Variants in PHF21A observed in about 807,000 individuals in gnomAD.
The protein encoded by PHF21A is PHD finger protein 21A, also known as BHC80a.
PHF21A carries 11 observed loss-of-function variants against 82.5 expected under a neutral mutation model. The ratio of observed to expected loss-of-function variants is 0.13; its 90% CI spans 0.08 to 0.22. The LOEUF is 0.22. Among genes scored for constraint, PHF21A ranks in the 10% least tolerant of loss-of-function variants. The pLI, the probability that PHF21A is intolerant of heterozygous loss-of-function variation, is 1.00. For missense variants in PHF21A, 579 were observed against 837.8 expected (o/e 0.69, Z 3.81); for synonymous variants, 297 against 302.8 (o/e 0.98, Z 0.20).
rs1716335902 is a variant in PHF21A at position 46,010,109 on chromosome 11, G to A, written c.154-30143C>T. ...GGGGAGAAAAATATGCCAAGTTTGA[G>A]AGTTACTGCAGGAATGAGAACAATC... On this transcript the variant is annotated intron_variant, in intron 6 of 18. Coordinates refer to ENST00000676320, the MANE Select transcript of PHF21A (RefSeq NM_001352027.3). 1.3e-5 allele frequency among the ~76,000 whole-genome samples: 2 copies of A among 152,122 alleles called. 1 individual carries two copies. Among genetic ancestry groups the A allele is most frequent in the South Asian group, 4.1e-4 (2 of 4,824 alleles).
chr11:46,073,886 TC>T (rs1235999077), intron 6 of PHF21A, among the ~76,000 whole-genome samples: 7 of 152,162 alleles, frequency 4.6e-5, no homozygotes, highest in African/African-American at 1.7e-4. Context: ...CTTTCAGAAA[TC>T]TCAAGTTACA....
rs569943954 is a variant in PHF21A, at chr11:46,019,041, G to A, written c.154-39075C>T. Among the ~76,000 whole-genome samples the A allele has an allele frequency of 5.3e-5, 8 of 151,614 alleles. No homozygotes were observed. The East Asian group carries it at 9.7e-4, about 18-fold the overall frequency. ...CAAAATAAGGCAAGAAAAAGAAAGG[G>A]GGAAGAAAATAAGCCTTTCTCATTC... is the stretch of plus-strand genomic sequence containing the variant. On this transcript the variant is annotated intron_variant, in intron 6 of 18. Coordinates refer to ENST00000676320, the MANE Select transcript of PHF21A (RefSeq NM_001352027.3).
chr11:45,957,479 G>GA (rs2092725409), intron 10 of PHF21A, among the ~76,000 whole-genome samples: 1 of 151,934 alleles, frequency 6.6e-6, no homozygotes, highest in Non-Finnish European at 1.5e-5. Flanking sequence ...AATGACAGCA[G>GA]AAAAACTAGA....
At chr11:45,996,344 A>T (rs11038739) in intron 6 of PHF21A, among the ~76,000 whole-genome samples, 25,015 of 152,176 alleles carry the variant, frequency 0.16, 2,313 homozygotes, top group Non-Finnish European at 0.21. Flanking sequence ...TTACAATTAG[A>T]TCACATTGGT....
chr11:45,938,377 A>G (rs2089606679), intron 15 of PHF21A, 65 bp from the exon 16 acceptor site: 1 of 1,327,662 alleles, frequency 7.5e-7, no homozygotes, highest in Admixed American at 1.8e-5. Context: ...GTTAACATGC[A>G]CATTCTAGAT....
intron 6 of PHF21A, among the ~76,000 whole-genome samples, chr11:46,059,951 C>A (rs1315393604): frequency 6.6e-6 from 1 of 152,110 alleles, no homozygotes; most frequent in Non-Finnish European, 1.5e-5. Flanking sequence ...CCGATGTTGG[C>A]CAGCCTGGTC....
chr11:46,041,095 ACTT>A (rs1225357898), intron 6 of PHF21A, among the ~76,000 whole-genome samples: 3 of 152,036 alleles, frequency 2.0e-5, no homozygotes, highest in Non-Finnish European at 2.9e-5. Flanking sequence ...AGATGCATGG[ACTT>A]CTTTCTCTTT....
intron 10 of PHF21A, among the ~76,000 whole-genome samples, chr11:45,960,102 C>G (rs569629327): frequency 6.6e-6 from 1 of 152,322 alleles, no homozygotes; most frequent in African/African-American, 2.4e-5. Context: ...GATTTAGCTG[C>G]TGTGGAAAAC....
intron 1 of PHF21A, among the ~76,000 whole-genome samples, chr11:46,095,846 G>C (rs1414051227): frequency 1.3e-5 from 2 of 152,106 alleles, no homozygotes; most frequent in African/African-American, 4.8e-5. Flanking sequence ...TTTATAGCCT[G>C]TGCTCAATCA....
At chr11:46,013,372 A>T (rs950813838) in intron 6 of PHF21A, among the ~76,000 whole-genome samples, 1 of 152,162 alleles carries the variant, frequency 6.6e-6, no homozygotes, top group African/African-American at 2.4e-5. Flanking sequence ...TATCAGATCA[A>T]CTGTGGCAGT....
At chr11:45,998,492 G>A (rs1032228972) in intron 6 of PHF21A, among the ~76,000 whole-genome samples, 1 of 151,968 alleles carries the variant, frequency 6.6e-6, no homozygotes, top group Non-Finnish European at 1.5e-5. Flanking sequence ...AGATGTACAT[G>A]CAAAATAACT....
intron 6 of PHF21A, among the ~76,000 whole-genome samples, chr11:46,029,878 A>G (rs530869714): frequency 4.6e-5 from 7 of 152,354 alleles, no homozygotes; most frequent in African/African-American, 1.7e-4. Context: ...ATAGAAGAAG[A>G]TAAGAATGTG....
chr11:46,059,400 A>G (rs1224195311), intron 6 of PHF21A, among the ~76,000 whole-genome samples: 4 of 152,212 alleles, frequency 2.6e-5, no homozygotes, highest in Non-Finnish European at 5.9e-5. Flanking sequence ...TTCTAAAATA[A>G]TAAGTACAAT....
chr11:45,990,841 A>C (rs1206045526), intron 6 of PHF21A, among the ~76,000 whole-genome samples: 7 of 152,084 alleles, frequency 4.6e-5, no homozygotes, highest in Non-Finnish European at 1.5e-5. Flanking sequence ...AACAAGCTAC[A>C]CATAGCAGAA....
rs1050357225 is a variant in PHF21A, at chr11:45,948,762, A to G, written c.1288+124T>C. The G allele has an allele frequency of 6.5e-6, 5 of 765,542 alleles. No homozygotes were observed. The African/African-American group carries it at 8.6e-5, about 13-fold the overall frequency. The allele number at this position is 765,542 out of a possible 1,614,324, so 47.4% of individuals were successfully genotyped here. A position where few individuals can be genotyped will look rare whatever the true frequency, so the allele number is the denominator to read the frequency against. On this transcript the variant is annotated intron_variant, in intron 14 of 18. Transcript: ENST00000676320. ...TTCTCTCCCATTCTCAGAGAACAAC[A>G]ACAAAACTATTTTCAAAGGATAGAG...
chr11:45,965,362 C>G lies in PHF21A; in HGVS notation c.949G>C (p.Ala317Pro). 1 of 1,613,906 alleles carries G rather than the reference C, an allele frequency of 6.2e-7. No homozygotes were observed. The highest frequency in any genetic ancestry group is 8.5e-7 in the Non-Finnish European group (1 of 1,179,956). ...IVIATPGTRL[A>P]GPQTVQLSKP... is the part of the protein sequence containing the mutation. The stretch of plus-strand genomic sequence containing the variant: ...CTAAGCTGTACAGTTTGAGGTCCAG[C>G]GAGTCTGGTCCCTGGAGTAGCTATC... Residue 317 changes from alanine to proline, a missense_variant, in exon 10 of 19, where the codon GCT (alanine) becomes CCT (proline). By Grantham distance (27) the Ala-to-Pro change is conservative. Transcript: ENST00000676320.
At chr11:45,950,116 T>C in intron 12 of PHF21A, 90 bp downstream of exon 12, 2 of 1,061,708 alleles carry the variant, frequency 1.9e-6, no homozygotes, top group African/African-American at 1.6e-5. Flanking sequence ...GTGTTCCAAT[T>C]TTCTATTCCA....
intron 8 of PHF21A, chr11:45,970,676 T>C (rs1180851701): frequency 6.5e-6 from 1 of 154,858 alleles, no homozygotes; most frequent in Non-Finnish European, 1.4e-5. Context: ...ACTCCAGTTC[T>C]TTCTGGGTAC....
At chr11:46,100,681 T>C (rs531536679) in intron 1 of PHF21A, among the ~76,000 whole-genome samples, 37 of 152,334 alleles carry the variant, frequency 2.4e-4, no homozygotes, top group African/African-American at 8.4e-4. Context: ...TCACTGACTA[T>C]GCTTCCCCAT....
Sources: allele counts gnomAD v4.1 joint callset (sites outside exome capture counted in the v4.1 genomes callset), GRCh38; gene constraint gnomAD v4.1.1; transcripts MANE v1.5; gene names NCBI Gene and HGNC (gene_info 2026-07-23, HGNC 2026-07-21).